STK33: variants seen among roughly 807,000 people sequenced by gnomAD.
STK33 encodes serine/threonine kinase 33.
In STK33, 52 loss-of-function variants were observed where a neutral mutation model predicts 58.0. The observed-to-expected ratio is 0.90, with a 90% CI of 0.72 to 1.13. The LOEUF is 1.13. Ranked by LOEUF, STK33 falls within the 50% of genes most tolerant of loss-of-function variation. The pLI is 0.00. For missense variants in STK33, 630 were observed against 604.2 expected, an observed-to-expected ratio of 1.04 and a Z score of -0.45; for synonymous variants, 215 against 200.1, an observed-to-expected ratio of 1.07 and a Z score of -0.63.
the STK33 span, among the ~76,000 whole-genome samples, chr11:8,358,826 C>T: frequency 2.0e-5 from 3 of 152,184 alleles, no homozygotes; most frequent in East Asian, 1.9e-4. Context: ...TACACAGTCT[C>T]GTAATACCTT....
chr11:8,349,098 G>A, the STK33 span, among the ~76,000 whole-genome samples: 1 of 152,090 alleles, frequency 6.6e-6, no homozygotes, highest in African/African-American at 2.4e-5. Context: ...AGCTCCCTCT[G>A]TTCTCTGGCT....
intron 13 of STK33, 143 bp from the exon 14 acceptor site, chr11:8,435,722 T>G: frequency 2.1e-6 from 1 of 467,248 alleles, no homozygotes; most frequent in Non-Finnish European, 3.7e-6. Context: ...AAATGCCTAA[T>G]AAATATAGTT....
chr11:8,570,086 A>G lies in STK33; in HGVS notation c.-466+23997T>C, dbSNP rs552210277. ...CCTACAACTCAAAAATAAAAAGACA[A>G]CCTGTTTTCAAAAAAATAGGCAAAA... On this transcript the variant is annotated intron_variant, in intron 1 of 15. Coordinates refer to ENST00000687296, the MANE Select transcript of STK33 (RefSeq NM_001352389.2). Among the ~76,000 whole-genome samples the G allele has an allele frequency of 2.6e-5, 4 of 152,272 alleles. No homozygotes were observed. In the South Asian group the frequency reaches 8.3e-4, roughly 32 times the overall value.
intron 1 of STK33, among the ~76,000 whole-genome samples, chr11:8,539,398 C>T (rs1056183203): frequency 3.3e-5 from 5 of 152,008 alleles, no homozygotes; most frequent in African/African-American, 9.7e-5. Flanking sequence ...CATGAGTGAT[C>T]GTTTAAGAAT....
rs1009232962 is a variant in STK33 at position 8,474,736 on chromosome 11, A to G, written c.170T>C (p.Leu57Pro). 1 of 1,612,108 alleles carries G rather than the reference A, an allele frequency of 6.2e-7. No individual in the cohort carries two copies. The highest frequency in any genetic ancestry group is 8.5e-7 in the Non-Finnish European group (1 of 1,179,500). Residue 57 changes from leucine to proline, a missense_variant, in exon 5 of 16, where the codon CTG becomes CCG. By Grantham distance (98) the Leu-to-Pro change is moderately conservative. Coordinates refer to ENST00000687296, the MANE Select transcript of STK33 (RefSeq NM_001352389.2). Reference sequence around the variant, plus strand: ...GATATTTTTTTCTTTTTTTCTCTCCAGTGAAATTAAAGATTCTGCACTACC... The same window carrying G: ...GATATTTTTTTCTTTTTTTCTCTCCGGTGAAATTAAAGATTCTGCACTACC... ...SIGSAESLIS[L>P]ERKKEKNINR...
chr11:8,579,962 A>G (rs1406046942), intron 1 of STK33, among the ~76,000 whole-genome samples: 1 of 152,188 alleles, frequency 6.6e-6, no homozygotes, highest in East Asian at 1.9e-4. Context: ...AAAGACAGGC[A>G]ATAACAAATG....
At chr11:8,505,156 T>C (rs74053253) in intron 1 of STK33, among the ~76,000 whole-genome samples, 4,067 of 152,316 alleles carry the variant, frequency 0.027, 180 homozygotes, top group African/African-American at 0.091. Flanking sequence ...GTTTTTCCTC[T>C]GGAATAGCCT....
intron 6 of STK33, among the ~76,000 whole-genome samples, chr11:8,471,343 T>C (rs966987160): frequency 6.6e-6 from 1 of 152,202 alleles, no homozygotes; most frequent in Non-Finnish European, 1.5e-5. Context: ...TAACACATAG[T>C]GATGAAGGAG....
At chr11:8,457,723 C>T (rs1187964188) in intron 8 of STK33, among the ~76,000 whole-genome samples, 1 of 152,040 alleles carries the variant, frequency 6.6e-6, no homozygotes, top group Non-Finnish European at 1.5e-5. Flanking sequence ...GCTAATGGCC[C>T]CAAATGCCAT....
chr11:8,438,372 C>T (rs567096998), intron 12 of STK33, among the ~76,000 whole-genome samples: 1 of 152,284 alleles, frequency 6.6e-6, no homozygotes, highest in African/African-American at 2.4e-5. Flanking sequence ...AGAATATTTA[C>T]TTATGCTAAC....
intron 8 of STK33, among the ~76,000 whole-genome samples, chr11:8,461,547 T>A (rs891920496): frequency 2.0e-5 from 3 of 152,204 alleles, no homozygotes; most frequent in African/African-American, 7.2e-5. Flanking sequence ...TGGTTGTGTA[T>A]GAAGTTGTTG....
At position 8,495,896 on chromosome 11, in the gene STK33, A is replaced by G. The variant is rs1951020374; in HGVS notation, c.-465-15282T>C. On this transcript the variant is annotated intron_variant, in intron 1 of 15. Transcript: ENST00000687296. ...TCTCACTCATGGATGGGAAGTGAAC[A>G]ATGAGAACACTTGAACACAGGGCGG... Among the ~76,000 whole-genome samples, 3 of 151,858 alleles carry G rather than the reference A, an allele frequency of 2.0e-5. No homozygotes were observed. The South Asian group carries it at 6.2e-4, about 32-fold the overall frequency.
intron 1 of STK33, among the ~76,000 whole-genome samples, chr11:8,496,178 T>G (rs1951044005): frequency 6.6e-6 from 1 of 151,896 alleles, no homozygotes. Context: ...TCCAGGAGAT[T>G]GCTGAAATAA....
chr11:8,363,820 T>A, the STK33 span, among the ~76,000 whole-genome samples: 1 of 152,232 alleles, frequency 6.6e-6, no homozygotes, highest in African/African-American at 2.4e-5. Context: ...ATAGTAAAAC[T>A]AATACTCATT....
intron 1 of STK33, among the ~76,000 whole-genome samples, chr11:8,558,398 TACACACACACACAC>T (rs71059170): frequency 6.7e-6 from 1 of 149,764 alleles, no homozygotes. Context: ...TTGTCAGTGA[TACACACACACACAC>T]ACACACACAC....
chr11:8,414,048 A>G (rs539777246), intron 14 of STK33, among the ~76,000 whole-genome samples: 6 of 152,178 alleles, frequency 3.9e-5, no homozygotes, highest in Non-Finnish European at 5.9e-5. Context: ...TGAAAGAACT[A>G]AAGAAGTTGC....
At chr11:8,526,215 G>A (rs374214261) in intron 1 of STK33, among the ~76,000 whole-genome samples, 1 of 152,038 alleles carries the variant, frequency 6.6e-6, no homozygotes, top group Non-Finnish European at 1.5e-5. Context: ...TGGCCAACGT[G>A]GTAAAACCCC....
chr11:8,496,451 G>A (rs1354307099), intron 1 of STK33, among the ~76,000 whole-genome samples: 2 of 152,136 alleles, frequency 1.3e-5, no homozygotes, highest in Non-Finnish European at 2.9e-5. Context: ...ATGTCACCCA[G>A]AAGGTACTTT....
At chr11:8,502,464 C>T (rs1951587792) in intron 1 of STK33, among the ~76,000 whole-genome samples, 1 of 152,116 alleles carries the variant, frequency 6.6e-6, no homozygotes, top group African/African-American at 2.4e-5. Flanking sequence ...TTCCTTATAC[C>T]ATATACAAAA....
Sources: allele counts gnomAD v4.1 joint callset (sites outside exome capture counted in the v4.1 genomes callset), GRCh38; gene constraint gnomAD v4.1.1; transcripts MANE v1.5; gene names NCBI Gene and HGNC (gene_info 2026-07-23, HGNC 2026-07-21).